PDZD8: variants seen among roughly 807,000 people sequenced by gnomAD.
PDZD8 encodes the protein PDZ domain-containing protein 8.
A neutral mutation model predicts 85.8 loss-of-function variants in PDZD8; 14 were observed. The observed-to-expected ratio is 0.16, with a 90% CI of 0.11 to 0.26. The LOEUF (loss-of-function observed/expected upper bound fraction) is 0.26, where lower values mean the gene tolerates loss of function less well. Among genes scored for constraint, PDZD8 ranks in the 10% least tolerant of loss-of-function variants. The pLI is 1.00. For synonymous variants in PDZD8, 592 were observed against 568.6 expected, an observed-to-expected ratio of 1.04 and a Z score of -0.59; for missense variants, 1,197 against 1,424.3, an observed-to-expected ratio of 0.84 and a Z score of 2.57.
chr10:117,318,899 T>G lies in PDZD8; in HGVS notation c.1071A>C (p.Glu357Asp). The change falls in exon 3 of 5, where the codon GAA becomes GAC. Residue 357 changes from glutamate (E) to aspartate (D), a missense_variant. Glu to Asp is a conservative substitution (Grantham distance 45). Transcript: ENST00000334464. Reference protein sequence around the residue: ...CTLELSSSVWEEKQRSSIKTV... With the variant: ...CTLELSSSVWDEKQRSSIKTV... ...TCTTAATAGAACTCCTCTGTTTTTCTTCCCAAACACTACTGCTTAACTCAA... is the reference window on the plus strand; with the variant it reads ...TCTTAATAGAACTCCTCTGTTTTTCGTCCCAAACACTACTGCTTAACTCAA... 6.2e-7 allele frequency: 1 copy of G among 1,610,546 alleles called. No individual in the cohort carries two copies.
At chr10:117,299,612 A>C in intron 3 of PDZD8, among the ~76,000 whole-genome samples, 1 of 152,028 alleles carries the variant, frequency 6.6e-6, no homozygotes, top group East Asian at 1.9e-4. Context: ...CTGTTGTTGA[A>C]ACTTTCCACT....
At chr10:117,371,436 C>T (rs1358697839) in intron 1 of PDZD8, among the ~76,000 whole-genome samples, 1 of 152,208 alleles carries the variant, frequency 6.6e-6, no homozygotes, top group East Asian at 1.9e-4. Flanking sequence ...CCGCCTGTCT[C>T]AGCCTTACAA....
intron 2 of PDZD8, among the ~76,000 whole-genome samples, chr10:117,324,232 A>AAAAAAAAAAGAC (rs1278760915): frequency 6.8e-6 from 1 of 146,096 alleles, no homozygotes; most frequent in African/African-American, 2.7e-5. Context: ...AAAAAAAAAA[A>AAAAAAAAAAGAC]AAGACAAGAG....
At chr10:117,354,170 T>A (rs1325484247) in intron 1 of PDZD8, among the ~76,000 whole-genome samples, 1 of 152,304 alleles carries the variant, frequency 6.6e-6, no homozygotes, top group South Asian at 2.1e-4. Flanking sequence ...CTGATTTAGG[T>A]TTTCATTGAT....
In PDZD8 at chr10:117,279,049, G is replaced by A. The variant is rs1844540889; in HGVS notation, c.*4219C>T. The stretch of plus-strand genomic sequence containing the variant: ...TTTATTTTTGCCTTTACGGCTCTGT[G>A]TCTTTCTGCAAGAAGGCCTGGCAAA... On this transcript the variant is annotated 3_prime_UTR_variant, in exon 5 of 5. Coordinates refer to ENST00000334464, the MANE Select transcript of PDZD8 (RefSeq NM_173791.5). The A allele has an allele frequency of 6.6e-6, 1 of 152,192 alleles. No homozygotes were observed. Among genetic ancestry groups the A allele is most frequent in the Non-Finnish European group, 1.5e-5 (1 of 68,036 alleles). The allele number at this position is 152,192 out of a possible 1,614,324, so 9.4% of individuals were successfully genotyped here. A position where few individuals can be genotyped will look rare whatever the true frequency, so the allele number is the denominator to read the frequency against.
chr10:117,340,194 C>A (rs1365664750), intron 2 of PDZD8, among the ~76,000 whole-genome samples: 1 of 152,168 alleles, frequency 6.6e-6, no homozygotes, highest in Admixed American at 6.5e-5. Flanking sequence ...TGCAACTTTC[C>A]TGAGTGTTTC....
At chr10:117,307,865 A>C (rs1458781936) in intron 3 of PDZD8, among the ~76,000 whole-genome samples, 1 of 152,066 alleles carries the variant, frequency 6.6e-6, no homozygotes, top group Non-Finnish European at 1.5e-5. Flanking sequence ...GAAGGCAAAA[A>C]CAAAAATTTT....
rs372846924 is a variant in PDZD8, at chr10:117,374,374, A to T, written c.854T>A (p.Leu285Gln). The T allele has an allele frequency of 1.9e-6, 3 of 1,613,868 alleles. No homozygotes were observed. Among genetic ancestry groups the T allele is most frequent in the Non-Finnish European group, 2.5e-6 (3 of 1,179,890 alleles). Residue 285 changes from leucine to glutamine, a missense_variant, in exon 1 of 5, where the codon CTA (leucine) becomes CAA (glutamine). This residue lies in a region of PDZD8 where 344 missense variants were observed against 453.6 expected (regional missense o/e 0.76). Transcript: ENST00000334464. The surrounding 1 kb of genome is among the most constrained non-coding windows in gnomAD (Gnocchi z 7.8). Reference protein sequence around the residue: ...LKKIIKRKHTLPNYKIRFKPF... With the variant: ...LKKIIKRKHTQPNYKIRFKPF... ...AGCTCACCTGATCTTGTAATTCGGT[A>T]GGGTGTGCTTGCGCTTGATGATCTT...
In PDZD8 at chr10:117,285,048, T is replaced by C. The variant is rs1276505356; in HGVS notation, c.1685A>G (p.Asn562Ser). 6.2e-7 allele frequency: 1 copy of C among 1,614,010 alleles called. No individual in the cohort carries two copies. The highest frequency in any genetic ancestry group is 8.5e-7 in the Non-Finnish European group (1 of 1,179,878). ...LPPKIQSKDGNKPPPLKTSEI... is the reference protein window; with the variant it reads ...LPPKIQSKDGSKPPPLKTSEI... The stretch of plus-strand genomic sequence containing the variant: ...AGAAGTTTTTAGGGGTGGAGGTTTA[T>C]TTCCATCTTTGGACTGAATTTTCGG... Residue 562 changes from asparagine to serine, a missense_variant, in exon 5 of 5, where the codon AAT (asparagine) becomes AGT (serine). Coordinates refer to ENST00000334464, the MANE Select transcript of PDZD8 (RefSeq NM_173791.5).
rs1845278979 is a variant in PDZD8, at chr10:117,375,148, T to C, written c.80A>G (p.Tyr27Cys). ...LTLLAQFFLLYRRQPEPPADE... is the reference protein window; with the variant it reads ...LTLLAQFFLLCRRQPEPPADE... ...CGCCGGCGGCTCGGGCTGTCTGCGG[T>C]ACAGCAGGAAGAACTGGGCGAGGAG... The change falls in exon 1 of 5, where the codon TAC (tyrosine) becomes TGC (cysteine). Residue 27 changes from tyrosine (Y) to cysteine (C), a missense_variant. By Grantham distance (194) the Tyr-to-Cys change is radical (BLOSUM62 -2). This residue lies in a region of PDZD8 where 172 missense variants were observed against 137.8 expected (regional missense o/e 1.25). Transcript: ENST00000334464. 3.1e-6 allele frequency: 5 copies of C among 1,588,540 alleles called. No homozygotes were observed. Among genetic ancestry groups the C allele is most frequent in the Non-Finnish European group, 4.3e-6 (5 of 1,173,918 alleles).
At chr10:117,334,900 T>C (rs577205490) in intron 2 of PDZD8, among the ~76,000 whole-genome samples, 6 of 151,378 alleles carry the variant, frequency 4.0e-5, no homozygotes, top group African/African-American at 1.2e-4. Flanking sequence ...AGGGGACCTA[T>C]GGGAAAATGA....
intron 3 of PDZD8, among the ~76,000 whole-genome samples, chr10:117,302,722 G>T (rs573579703): frequency 6.6e-6 from 1 of 152,280 alleles, no homozygotes; most frequent in East Asian, 1.9e-4. Flanking sequence ...GGACCCAGGG[G>T]GGCGTAATTG....
At chr10:117,329,859 T>C (rs1033541006) in intron 2 of PDZD8, among the ~76,000 whole-genome samples, 2 of 150,224 alleles carry the variant, frequency 1.3e-5, no homozygotes, top group East Asian at 2.0e-4. Flanking sequence ...AGTGGGAGGA[T>C]TGCTTGAGCC....
At position 117,374,589 on chromosome 10, in the gene PDZD8, G is replaced by C; in HGVS notation, c.639C>G (p.Gly213=). 1 of 1,592,842 alleles carries C rather than the reference G, an allele frequency of 6.3e-7. No individual in the cohort carries two copies. The highest frequency in any genetic ancestry group is 1.7e-4 in the Middle Eastern group (1 of 6,032). Residue 213 remains glycine (G), a synonymous_variant, in exon 1 of 5, where the codon GGC becomes GGG. Coordinates refer to ENST00000334464, the MANE Select transcript of PDZD8 (RefSeq NM_173791.5). The surrounding 1 kb of genome is among the most constrained non-coding windows in gnomAD (Gnocchi z 7.8). ...GCTTGACAAACAAGTAGGCGGACTT[G>C]CCGAAGACCAGGTCCACGTCGATGG... ...HLAIDVDLVF[G]KSAYLFVKLS...
At chr10:117,363,888 A>T (rs943744442) in intron 1 of PDZD8, among the ~76,000 whole-genome samples, 3 of 152,340 alleles carry the variant, frequency 2.0e-5, no homozygotes, top group African/African-American at 7.2e-5. Context: ...GTTCTAAAGC[A>T]TTGTGATTTC....
In PDZD8 at chr10:117,284,417, G is replaced by A. The variant is rs1844621658; in HGVS notation, c.2316C>T (p.Arg772=). 2 of 1,614,048 alleles carry A rather than the reference G, an allele frequency of 1.2e-6. No individual in the cohort carries two copies. Among genetic ancestry groups the A allele is most frequent in the African/African-American group, 1.3e-5 (1 of 74,928 alleles). The change falls in exon 5 of 5, where the codon CGC becomes CGT. Residue 772 remains arginine, a synonymous_variant. Coordinates refer to ENST00000334464, the MANE Select transcript of PDZD8 (RefSeq NM_173791.5). Reference sequence around the variant, plus strand: ...TGAATCCCTTTTGCATACTCAGATTGCGTAGTGCGGTTCTAGTGACTATAG... The same window carrying A: ...TGAATCCCTTTTGCATACTCAGATTACGTAGTGCGGTTCTAGTGACTATAG... ...PKAIVTRTAL[R]NLSMQKGFND...
intron 3 of PDZD8, among the ~76,000 whole-genome samples, chr10:117,308,699 T>A (rs1843986071): frequency 1.3e-5 from 2 of 151,970 alleles, no homozygotes; most frequent in Non-Finnish European, 2.9e-5. Context: ...AGCTGTGGAG[T>A]CACACTGCCT....
At chr10:117,304,891 C>T (rs994406629) in intron 3 of PDZD8, among the ~76,000 whole-genome samples, 5 of 152,076 alleles carry the variant, frequency 3.3e-5, no homozygotes, top group South Asian at 2.1e-4. Context: ...TTATCAGCAG[C>T]GTGAAAACAG....
In PDZD8 at chr10:117,375,055, T is replaced by C. The variant is rs1845273601; in HGVS notation, c.173A>G (p.Glu58Gly). ...IKPVPGLLLR[E>G]YLYGGGRDEE... ...ATCCCGGCCGCCGCCATAAAGGTAC[T>C]CCCTTAGGAGCAGGCCCGGCACTGG... The change falls in exon 1 of 5, where the codon GAG (glutamate) becomes GGG (glycine). Residue 58 changes from glutamate to glycine, a missense_variant. By Grantham distance (98) the Glu-to-Gly change is moderately conservative. Coordinates refer to ENST00000334464, the MANE Select transcript of PDZD8 (RefSeq NM_173791.5). The C allele has an allele frequency of 1.9e-6, 3 of 1,598,694 alleles. No homozygotes were observed. The highest frequency in any genetic ancestry group is 2.6e-6 in the Non-Finnish European group (3 of 1,175,120).
Sources: allele counts gnomAD v4.1 joint callset (sites outside exome capture counted in the v4.1 genomes callset), GRCh38; gene constraint gnomAD v4.1.1; regional missense constraint gnomAD v4.1.1; non-coding constraint Gnocchi (gnomAD v3.1); transcripts MANE v1.5; gene names NCBI Gene and HGNC (gene_info 2026-07-23, HGNC 2026-07-21).